CEP83: variants seen among roughly 807,000 people sequenced by gnomAD.
The protein encoded by CEP83 is centrosomal protein 83.
In CEP83, 70 loss-of-function variants were observed where a neutral mutation model predicts 101.9. That is an observed-to-expected ratio of 0.69 (90% CI 0.57 to 0.84). The LOEUF is 0.84. Among genes scored for constraint, CEP83 ranks in the 40% least tolerant of loss-of-function variants. The pLI is 0.00. For synonymous variants in CEP83, 264 were observed against 267.9 expected, an observed-to-expected ratio of 0.99 and a Z score of 0.14; for missense variants, 715 against 787.2, an observed-to-expected ratio of 0.91 and a Z score of 1.10.
At chr12:94,294,635 T>C in the CEP83 span, 4 of 621,672 alleles carry the variant, frequency 6.4e-6, no homozygotes, top group Non-Finnish European at 9.0e-6. Flanking sequence ...AAAGGTGAGA[T>C]TGAGTTGTTG....
At chr12:94,316,678 C>T (rs984581021) in intron 14 of CEP83, among the ~76,000 whole-genome samples, 5 of 151,992 alleles carry the variant, frequency 3.3e-5, no homozygotes, top group Admixed American at 1.3e-4. Context: ...ATGCAGTATT[C>T]GGTTTTCCTT....
chr12:94,300,921 G>A, the CEP83 span: 34 of 1,611,866 alleles, frequency 2.1e-5, no homozygotes, highest in Non-Finnish European at 2.8e-5. Flanking sequence ...CTTCCTCTTC[G>A]CTTCTGGGTA....
intron 11 of CEP83, among the ~76,000 whole-genome samples, chr12:94,361,929 G>A (rs948416261): frequency 2.6e-5 from 4 of 152,062 alleles, no homozygotes; most frequent in African/African-American, 9.7e-5. Context: ...TTGTACTCCT[G>A]ACCTCAGGTG....
chr12:94,270,164 T>C, the CEP83 span, among the ~76,000 whole-genome samples: 1 of 152,250 alleles, frequency 6.6e-6, no homozygotes, highest in Non-Finnish European at 1.5e-5. Flanking sequence ...TCCAGATTTG[T>C]CTTGTTGCTA....
chr12:94,281,740 T>G, the CEP83 span: 2 of 153,454 alleles, frequency 1.3e-5, no homozygotes, highest in Non-Finnish European at 2.9e-5. Flanking sequence ...TCTTTTAATC[T>G]TTAAATGTTG....
rs1050633999 is a variant in CEP83 at position 94,424,609 on chromosome 12, A to G, written c.-102+10666T>C. On this transcript the variant is annotated intron_variant, in intron 2 of 16. Coordinates refer to ENST00000397809, the MANE Select transcript of CEP83 (RefSeq NM_016122.3). The stretch of plus-strand genomic sequence containing the variant: ...GCTTTACCATCTGTGCCTGTACACC[A>G]CTGGCCTTCAGTGCTGTTACAGCTT... The G allele has an allele frequency of 4.3e-6, 7 of 1,613,542 alleles. No individual in the cohort carries two copies. The South Asian group carries it at 6.6e-5, about 15-fold the overall frequency.
chr12:94,323,010 A>G (rs1021526862), intron 14 of CEP83, among the ~76,000 whole-genome samples: 9 of 152,160 alleles, frequency 5.9e-5, no homozygotes, highest in African/African-American at 2.2e-4. Context: ...GCAATAGCTA[A>G]GGCTACAAAA....
At position 94,421,707 on chromosome 12, in the gene CEP83, G is replaced by C. The variant is rs187974976; in HGVS notation, c.-101-9116C>G. Among the ~76,000 whole-genome samples, 723 of 152,164 alleles carry C rather than the reference G, an allele frequency of 4.8e-3. 1 individual carries two copies. The highest frequency in any genetic ancestry group is 7.0e-3 in the Non-Finnish European group (477 of 67,996). ...GTTGTGTGAACATCAAAGAATGTAC[G>C]GTACTTACACAAACCTAGATGATAT... On this transcript the variant is annotated intron_variant, in intron 2 of 16. Transcript: ENST00000397809.
chr12:94,355,275 C>T (rs536128009), intron 11 of CEP83, among the ~76,000 whole-genome samples: 2 of 152,150 alleles, frequency 1.3e-5, no homozygotes, highest in East Asian at 1.9e-4. Context: ...GGGTGGATCA[C>T]GAGGTCAGGA....
intron 14 of CEP83, among the ~76,000 whole-genome samples, chr12:94,323,900 G>A (rs181866010): frequency 5.3e-5 from 8 of 152,224 alleles, no homozygotes; most frequent in Admixed American, 2.6e-4. Context: ...TCATGAATGG[G>A]TACTGAATGT....
chr12:94,333,800 G>A, intron 12 of CEP83, 161 bp from the exon 13 acceptor site: 1 of 600,668 alleles, frequency 1.7e-6, no homozygotes, highest in African/African-American at 1.9e-5. Context: ...GCAGCACCCA[G>A]GAGCATTTCT....
chr12:94,297,447 C>A, the CEP83 span: 1 of 1,482,118 alleles, frequency 6.7e-7, no homozygotes, highest in Non-Finnish European at 9.4e-7. Context: ...TCTGGGAGCA[C>A]TTTATGGCTA....
chr12:94,270,945 C>G, the CEP83 span, among the ~76,000 whole-genome samples: 9 of 151,970 alleles, frequency 5.9e-5, no homozygotes, highest in African/African-American at 1.9e-4. Flanking sequence ...CAAAGGGGAA[C>G]GTCAGGCAGA....
intron 4 of CEP83, among the ~76,000 whole-genome samples, chr12:94,403,511 C>A (rs1315731005): frequency 6.6e-6 from 1 of 152,074 alleles, no homozygotes; most frequent in African/African-American, 2.4e-5. Flanking sequence ...ATTATTATTG[C>A]TATTGTTAGG....
downstream of CEP83, chr12:94,305,074 G>A (rs769565137): frequency 6.8e-5 from 45 of 657,904 alleles, no homozygotes; most frequent in Non-Finnish European, 1.1e-4. Context: ...GAAAATGTTG[G>A]CATCTGTTTC....
chr12:94,268,835 T>A, the CEP83 span, among the ~76,000 whole-genome samples: 5 of 152,118 alleles, frequency 3.3e-5, no homozygotes, highest in Non-Finnish European at 4.4e-5. Context: ...CCTCAAGTGA[T>A]CCACCTGCCT....
intron 6 of CEP83, among the ~76,000 whole-genome samples, chr12:94,394,406 A>T (rs1333415425): frequency 6.6e-6 from 1 of 152,252 alleles, no homozygotes; most frequent in Non-Finnish European, 1.5e-5. Context: ...TGGTGCTGGG[A>T]AAACTGGCTA....
At chr12:94,304,356 G>A (rs1968788938), downstream of CEP83, 1 of 240,190 alleles carries the variant, frequency 4.2e-6, no homozygotes, top group Admixed American at 5.4e-5. Flanking sequence ...AATGGGGTCA[G>A]CTTATGCTTG....
chr12:94,271,836 TG>T, the CEP83 span, among the ~76,000 whole-genome samples: 1 of 152,194 alleles, frequency 6.6e-6, no homozygotes, highest in African/African-American at 2.4e-5. Context: ...TCTTTTTGGT[TG>T]GTTATTTATT....
Sources: allele counts gnomAD v4.1 joint callset (sites outside exome capture counted in the v4.1 genomes callset), GRCh38; gene constraint gnomAD v4.1.1; transcripts MANE v1.5; gene names NCBI Gene and HGNC (gene_info 2026-07-23, HGNC 2026-07-21).